Variants in MAP1B observed in about 807,000 individuals in gnomAD.
MAP1B encodes microtubule associated protein 1B, also known as microtubule-associated protein 1B.
In MAP1B, 12 loss-of-function variants were observed where a neutral mutation model predicts 176.1. The observed-to-expected ratio is 0.07, with a 90% CI of 0.04 to 0.11. The LOEUF is 0.11. Among genes scored for constraint, MAP1B ranks in the 10% least tolerant of loss-of-function variants. MAP1B has a pLI of 1.00. For synonymous variants in MAP1B, 1,044 were observed against 1,135.0 expected (o/e 0.92, Z 1.61); for missense variants, 2,523 against 2,990.5 (o/e 0.84, Z 3.65).
chr5:72,122,381 T>C (rs1031833113), intron 2 of MAP1B, among the ~76,000 whole-genome samples: 5 of 152,116 alleles, frequency 3.3e-5, no homozygotes, highest in Non-Finnish European at 5.9e-5. Context: ...AGCCAGACCT[T>C]CCAAGGAGAA....
At chr5:72,183,689 T>G in intron 2 of MAP1B, 54 bp from the exon 3 acceptor site, 1 of 1,453,982 alleles carries the variant, frequency 6.9e-7, no homozygotes, top group South Asian at 1.2e-5. Flanking sequence ...CAGGGCAGTT[T>G]TTATCTGGAA....
intron 2 of MAP1B, among the ~76,000 whole-genome samples, chr5:72,133,157 A>G (rs1179438529): frequency 6.6e-6 from 1 of 152,200 alleles, no homozygotes; most frequent in Non-Finnish European, 1.5e-5. Flanking sequence ...GTAATCCTAG[A>G]GAATTAGATA....
chr5:72,167,345 A>C (rs1029767773), intron 2 of MAP1B, among the ~76,000 whole-genome samples: 2 of 152,242 alleles, frequency 1.3e-5, no homozygotes, highest in African/African-American at 4.8e-5. Flanking sequence ...TAGCAAGTTA[A>C]GTTGAAACTC....
At chr5:72,167,903 A>C (rs1746461144) in intron 2 of MAP1B, among the ~76,000 whole-genome samples, 1 of 152,262 alleles carries the variant, frequency 6.6e-6, no homozygotes, top group Non-Finnish European at 1.5e-5. Context: ...AGAACGATGT[A>C]GATAACACAT....
chr5:72,135,564 ATTTTCCC>A lies in MAP1B; in HGVS notation c.286+19766_286+19772del, dbSNP rs1745823886. Among the ~76,000 whole-genome samples, 3 of 152,070 alleles carry A rather than the reference ATTTTCCC, an allele frequency of 2.0e-5. No homozygotes were observed. The South Asian group carries it at 6.2e-4, about 32-fold the overall frequency. On this transcript the variant is annotated intron_variant, in intron 2 of 6. Coordinates refer to ENST00000296755, the MANE Select transcript of MAP1B (RefSeq NM_005909.5). ...GGCTTTGGAATTTCAGGTTTTTTGAATTTTCCCAAAGCACTGGAAGAAAAAGAGTCCT... is the reference window on the plus strand; with the variant it reads ...GGCTTTGGAATTTCAGGTTTTTTGAAAAAGCACTGGAAGAAAAAGAGTCCT...
intron 2 of MAP1B, among the ~76,000 whole-genome samples, chr5:72,124,675 C>T (rs529304018): frequency 7.2e-5 from 11 of 152,316 alleles, no homozygotes; most frequent in East Asian, 5.8e-4. Flanking sequence ...CCTCTAAACA[C>T]GCACTTTGCC....
At position 72,107,785 on chromosome 5, in the gene MAP1B, C is replaced by T; in HGVS notation, c.184+70C>T. ...AAACACGACCCCACCCAGGGCGCGA[C>T]GGTCACTGCGCTCCTCCCGCGCGCC... is the stretch of plus-strand genomic sequence containing the variant. On this transcript the variant is annotated intron_variant, in intron 1 of 6. Coordinates refer to ENST00000296755, the MANE Select transcript of MAP1B (RefSeq NM_005909.5). The T allele has an allele frequency of 9.2e-6, 14 of 1,519,582 alleles. No homozygotes were observed. In the South Asian group the frequency reaches 1.4e-4, roughly 15 times the overall value. The allele number at this position is 1,519,582 out of a possible 1,614,324, so 94.1% of individuals were successfully genotyped here. A position where few individuals can be genotyped will look rare whatever the true frequency, so the allele number is the denominator to read the frequency against.
chr5:72,175,940 G>A (rs1046037950), intron 2 of MAP1B, among the ~76,000 whole-genome samples: 2 of 152,188 alleles, frequency 1.3e-5, no homozygotes, highest in African/African-American at 2.4e-5. Context: ...CATTATTTGC[G>A]AAGTCTCCTG....
intron 2 of MAP1B, among the ~76,000 whole-genome samples, chr5:72,152,899 T>A (rs1346779495): frequency 6.6e-6 from 1 of 152,018 alleles, no homozygotes; most frequent in African/African-American, 2.4e-5. Context: ...TCGCTGGGCC[T>A]GCTGGGTCTG....
chr5:72,116,947 A>C (rs1745447009), intron 2 of MAP1B, among the ~76,000 whole-genome samples: 1 of 152,106 alleles, frequency 6.6e-6, no homozygotes, highest in Non-Finnish European at 1.5e-5. Flanking sequence ...GGCTGCAGTA[A>C]TATGCCCATA....
rs576361513 is a variant in MAP1B at position 72,151,465 on chromosome 5, G to T, written c.287-32278G>T. On this transcript the variant is annotated intron_variant, in intron 2 of 6. Coordinates refer to ENST00000296755, the MANE Select transcript of MAP1B (RefSeq NM_005909.5). ...ATAGAACATAAAGTGAAGAAAACAG[G>T]ACCAAAATATTGTGTTTCCACTGTG... is the stretch of plus-strand genomic sequence containing the variant. 4.3e-4 allele frequency among the ~76,000 whole-genome samples: 65 copies of T among 152,246 alleles called. 1 individual carries two copies. The highest frequency in any genetic ancestry group is 1.9e-3 in the Admixed American group (29 of 15,290).
At chr5:72,145,018 A>G (rs1746019542) in intron 2 of MAP1B, among the ~76,000 whole-genome samples, 1 of 151,944 alleles carries the variant, frequency 6.6e-6, no homozygotes, top group Non-Finnish European at 1.5e-5. Context: ...TGTGAATTAT[A>G]CTCTGTTTTG....
At chr5:72,180,031 A>C in intron 2 of MAP1B, 12 of 622,354 alleles carry the variant, frequency 1.9e-5, no homozygotes, top group Non-Finnish European at 2.2e-5. Flanking sequence ...AGGCGAGCTC[A>C]CTGTGTGTTT....
chr5:72,153,602 TGTG>T (rs375480901), intron 2 of MAP1B, among the ~76,000 whole-genome samples: 15 of 151,492 alleles, frequency 9.9e-5, no homozygotes, highest in African/African-American at 2.7e-4. Context: ...ATATGTGGCG[TGTG>T]GTGGTGGTGG....
intron 1 of MAP1B, 148 bp from the exon 2 acceptor site, chr5:72,115,550 G>A (rs1745417125): frequency 2.0e-5 from 12 of 614,708 alleles, no homozygotes; most frequent in East Asian, 1.5e-4. Flanking sequence ...CCCATTTTGT[G>A]GGCATCCACT....
intron 2 of MAP1B, among the ~76,000 whole-genome samples, chr5:72,172,298 G>A (rs1012271491): frequency 2.6e-5 from 4 of 152,096 alleles, no homozygotes; most frequent in Non-Finnish European, 4.4e-5. Context: ...TGTCCCCCTC[G>A]CAGTTTTACT....
intron 2 of MAP1B, among the ~76,000 whole-genome samples, chr5:72,133,192 A>C (rs1015266801): frequency 2.0e-5 from 3 of 152,182 alleles, no homozygotes; most frequent in Non-Finnish European, 4.4e-5. Flanking sequence ...TCTTTGTACA[A>C]ATATTACAGA....
At chr5:72,143,161 G>T (rs1745979695) in intron 2 of MAP1B, among the ~76,000 whole-genome samples, 1 of 152,120 alleles carries the variant, frequency 6.6e-6, no homozygotes, top group Non-Finnish European at 1.5e-5. Flanking sequence ...GTATCATAGA[G>T]AAGCTGTATA....
At chr5:72,148,646 T>C (rs1746088649) in intron 2 of MAP1B, among the ~76,000 whole-genome samples, 1 of 152,206 alleles carries the variant, frequency 6.6e-6, no homozygotes, top group Admixed American at 6.5e-5. Context: ...AGGACGTGGA[T>C]CCACTTGCCA....
Sources: gnomAD v4.1 joint callset for allele counts (sites outside exome capture counted in the v4.1 genomes callset) on GRCh38, gnomAD v4.1.1 for gene constraint, MANE v1.5 for transcripts, NCBI Gene and HGNC (gene_info 2026-07-23, HGNC 2026-07-21) for gene names.